RAB38: variants seen among roughly 807,000 people sequenced by gnomAD.
The protein encoded by RAB38 is ras-related protein Rab-38.
RAB38 carries 15 observed loss-of-function variants against 18.4 expected under a neutral mutation model. The ratio of observed to expected loss-of-function variants is 0.82; its 90% CI spans 0.55 to 1.26. RAB38 has a LOEUF of 1.26. Ranked by LOEUF, RAB38 falls within the 50% of genes most tolerant of loss-of-function variation. The pLI is 0.00. For missense variants in RAB38, 294 were observed against 267.4 expected (o/e 1.10, Z -0.69); for synonymous variants, 101 against 104.4 (o/e 0.97, Z 0.20).
At chr11:88,032,608 C>CA in the RAB38 span, among the ~76,000 whole-genome samples, 1 of 152,048 alleles carries the variant, frequency 6.6e-6, no homozygotes, top group Non-Finnish European at 1.5e-5. Flanking sequence ...TTTATGCAGC[C>CA]AAAAAACACA....
At chr11:87,900,304 C>T in the RAB38 span, among the ~76,000 whole-genome samples, 1 of 151,434 alleles carries the variant, frequency 6.6e-6, no homozygotes, top group African/African-American at 2.4e-5. Context: ...TATCAGCTAA[C>T]AAACACTCCC....
chr11:87,893,390 A>ATATATATATATATATATATATTT, the RAB38 span, among the ~76,000 whole-genome samples: 147 of 93,886 alleles, frequency 1.6e-3, no homozygotes, highest in East Asian at 0.018. Context: ...ATATATATAT[A>ATATATATATATATATATATATTT]TTTTTTTTTT....
intron 2 of RAB38, among the ~76,000 whole-genome samples, chr11:88,146,710 G>C (rs2134822026): frequency 1.3e-5 from 2 of 152,326 alleles, no homozygotes; most frequent in East Asian, 3.9e-4. Context: ...TGTTGACTTT[G>C]AATACTAACC....
chr11:88,021,528 T>A, the RAB38 span, among the ~76,000 whole-genome samples: 1 of 151,872 alleles, frequency 6.6e-6, no homozygotes, highest in African/African-American at 2.4e-5. Context: ...CTAATACTAA[T>A]CCTACTCAAA....
chr11:88,047,665 C>T, the RAB38 span, among the ~76,000 whole-genome samples: 65 of 152,304 alleles, frequency 4.3e-4, 1 homozygote, highest in Admixed American at 2.2e-3. Context: ...CTCAAAGCCG[C>T]TTTACTTCCA....
At chr11:87,952,138 C>T in the RAB38 span, among the ~76,000 whole-genome samples, 1 of 152,202 alleles carries the variant, frequency 6.6e-6, no homozygotes, top group East Asian at 1.9e-4. Context: ...CTGCCTGGCA[C>T]CACAGGGATC....
the RAB38 span, among the ~76,000 whole-genome samples, chr11:88,007,843 G>A: frequency 6.6e-6 from 1 of 152,032 alleles, no homozygotes; most frequent in African/African-American, 2.4e-5. Flanking sequence ...GATCTCAAAT[G>A]TATCAACTGG....
the RAB38 span, among the ~76,000 whole-genome samples, chr11:88,049,619 C>T: frequency 6.6e-6 from 1 of 152,180 alleles, no homozygotes; most frequent in Non-Finnish European, 1.5e-5. Flanking sequence ...GGTCTCTTCA[C>T]ATGGACGCGC....
At chr11:88,031,866 T>C in the RAB38 span, among the ~76,000 whole-genome samples, 1 of 152,130 alleles carries the variant, frequency 6.6e-6, no homozygotes, top group Non-Finnish European at 1.5e-5. Context: ...CTTCACAGAA[T>C]TGGAAAAAAC....
chr11:87,803,821 T>A, the RAB38 span, among the ~76,000 whole-genome samples: 2 of 152,174 alleles, frequency 1.3e-5, no homozygotes, highest in Non-Finnish European at 2.9e-5. Context: ...ATGGAAGGAA[T>A]AAAGGGTCAT....
the RAB38 span, among the ~76,000 whole-genome samples, chr11:88,003,843 T>A: frequency 0.23 from 572 of 2,478 alleles, 192 homozygotes; most frequent in East Asian, 0.38. Context: ...AATATATATT[T>A]ATATATATAA....
chr11:88,020,204 T>C, the RAB38 span, among the ~76,000 whole-genome samples: 1 of 152,082 alleles, frequency 6.6e-6, no homozygotes, highest in Non-Finnish European at 1.5e-5. Flanking sequence ...TGATCTCTTG[T>C]CTACAAGAAA....
chr11:88,026,145 A>G, the RAB38 span, among the ~76,000 whole-genome samples: 8 of 151,964 alleles, frequency 5.3e-5, no homozygotes, highest in Non-Finnish European at 8.8e-5. Flanking sequence ...TTGTATTTTT[A>G]GTAGAGACAG....
chr11:87,954,424 A>C, the RAB38 span, among the ~76,000 whole-genome samples: 1 of 152,184 alleles, frequency 6.6e-6, no homozygotes, highest in African/African-American at 2.4e-5. Flanking sequence ...AAAGGTGACT[A>C]ATTGGTCTTC....
chr11:88,157,031 T>G (rs61909944), intron 1 of RAB38, among the ~76,000 whole-genome samples: 20,740 of 152,196 alleles, frequency 0.14, 1,520 homozygotes, highest in Middle Eastern at 0.21. Flanking sequence ...AGCTCCCCAC[T>G]TAAAAGGCAC....
the RAB38 span, among the ~76,000 whole-genome samples, chr11:87,912,999 C>A: frequency 6.6e-6 from 1 of 151,704 alleles, no homozygotes; most frequent in Non-Finnish European, 1.5e-5. Context: ...TAGCTTTCTT[C>A]TTTTCCTTAT....
the RAB38 span, among the ~76,000 whole-genome samples, chr11:87,828,843 T>A: frequency 6.6e-6 from 1 of 152,244 alleles, no homozygotes; most frequent in African/African-American, 2.4e-5. Context: ...TGATTATAAA[T>A]GCACATATTA....
chr11:88,130,425 C>G (rs1004675208), intron 2 of RAB38, among the ~76,000 whole-genome samples: 1 of 152,098 alleles, frequency 6.6e-6, no homozygotes, highest in Non-Finnish European at 1.5e-5. Flanking sequence ...CAGAAAAAGA[C>G]TGTTTTGGAA....
the RAB38 span, among the ~76,000 whole-genome samples, chr11:88,091,993 G>A: frequency 6.6e-6 from 1 of 151,756 alleles, no homozygotes; most frequent in Non-Finnish European, 1.5e-5. Flanking sequence ...TAATTTTTGG[G>A]TCATTGCCAT....
Sources: allele counts gnomAD v4.1 joint callset (sites outside exome capture counted in the v4.1 genomes callset), GRCh38; gene constraint gnomAD v4.1.1; transcripts MANE v1.5; gene names NCBI Gene and HGNC (gene_info 2026-07-23, HGNC 2026-07-21).